Variants in FOCAD observed in about 807,000 individuals in gnomAD.
FOCAD encodes focadhesin, also known as KIAA1797.
A neutral mutation model predicts 225.6 loss-of-function variants in FOCAD; 198 were observed. The ratio of observed to expected loss-of-function variants is 0.88; its 90% confidence interval spans 0.78 to 0.99. The LOEUF is 0.99. FOCAD is among the 50% of genes least tolerant of loss of function. FOCAD has a pLI of 0.00. For synonymous variants in FOCAD, 897 were observed against 755.0 expected, an observed-to-expected ratio of 1.19 and a Z score of -3.08; for missense variants, 2,713 against 2,123.6, an observed-to-expected ratio of 1.28 and a Z score of -5.46.
chr9:20,819,758 A>G (rs746339690), intron 11 of FOCAD, 38 bp from the exon 12 acceptor site: 28 of 1,146,414 alleles, frequency 2.4e-5, no homozygotes, highest in Admixed American at 5.0e-5. Context: ...CTTTTTTGTA[A>G]CAAGGCATAT....
chr9:20,714,655 C>A (rs1825174573), intron 1 of FOCAD, among the ~76,000 whole-genome samples: 1 of 143,168 alleles, frequency 7.0e-6, no homozygotes, highest in African/African-American at 2.8e-5. Context: ...TTCCTTCCTT[C>A]CTTCCTTCCT....
At chr9:20,923,792 T>G in intron 25 of FOCAD, 24 bp downstream of exon 25, 2 of 1,559,544 alleles carry the variant, frequency 1.3e-6, no homozygotes, top group Non-Finnish European at 1.8e-6. Flanking sequence ...ATTTAAACAA[T>G]TGGCTTTGAT....
At position 20,791,237 on chromosome 9, in the gene FOCAD, T is replaced by TCACACACACACACACA. The variant is rs10652100; in HGVS notation, c.1455+1640_1455+1655dup. On this transcript the variant is annotated intron_variant, in intron 11 of 43. Coordinates refer to ENST00000338382, the MANE Select transcript of FOCAD (RefSeq NM_001375567.1). ...TATGCATGCACACACACACACACAC[T>TCACACACACACACACA]CACACACACACACACACACACACAC... 1.9e-3 allele frequency among the ~76,000 whole-genome samples: 281 copies of TCACACACACACACACA among 148,592 alleles called. 2 individuals are homozygous for TCACACACACACACACA. The highest frequency in any genetic ancestry group is 3.4e-3 in the Middle Eastern group (1 of 292).
chr9:20,866,447 G>A (rs1280300038), intron 17 of FOCAD, among the ~76,000 whole-genome samples: 1 of 151,962 alleles, frequency 6.6e-6, no homozygotes, highest in African/African-American at 2.4e-5. Flanking sequence ...TGGAGAATCG[G>A]AATCCAAACC....
At chr9:20,904,556 C>T (rs1330742532) in intron 21 of FOCAD, among the ~76,000 whole-genome samples, 1 of 151,958 alleles carries the variant, frequency 6.6e-6, no homozygotes, top group Non-Finnish European at 1.5e-5. Context: ...CTTCTTTGGG[C>T]ACATGTGTAG....
At chr9:20,884,810 C>G (rs1302250164) in intron 20 of FOCAD, among the ~76,000 whole-genome samples, 2 of 151,654 alleles carry the variant, frequency 1.3e-5, no homozygotes, top group Admixed American at 6.6e-5. Context: ...ACCTGTAATC[C>G]CAGCGCTTTG....
chr9:20,767,063 G>C (rs1186216226), intron 7 of FOCAD, among the ~76,000 whole-genome samples: 20 of 151,492 alleles, frequency 1.3e-4, no homozygotes, highest in Non-Finnish European at 2.8e-4. Flanking sequence ...CTATGAGTGA[G>C]AATATGTGGT....
chr9:20,954,931 A>G (rs930921068), intron 35 of FOCAD, among the ~76,000 whole-genome samples: 4 of 152,188 alleles, frequency 2.6e-5, no homozygotes, highest in African/African-American at 7.2e-5. Flanking sequence ...TGTGGGGCTA[A>G]ATGGGATGGC....
At position 20,717,785 on chromosome 9, in the gene FOCAD, C is replaced by G. The variant is rs1036945208; in HGVS notation, c.58-9C>G. On this transcript the variant is annotated splice_polypyrimidine_tract_variant and intron_variant, in intron 2 of 43. Transcript: ENST00000338382. ...GGGACTGTGTTCATTAATTTTATTT[C>G]TTTTTAAGGCTGTGGGTCATCTTAT... 6.2e-7 allele frequency: 1 copy of G among 1,606,764 alleles called. No homozygotes were observed. The highest frequency in any genetic ancestry group is 8.5e-7 in the Non-Finnish European group (1 of 1,176,186).
At chr9:20,911,928 A>T (rs1352584623) in intron 22 of FOCAD, among the ~76,000 whole-genome samples, 1 of 152,184 alleles carries the variant, frequency 6.6e-6, no homozygotes, top group East Asian at 1.9e-4. Context: ...TTAAGAAGAT[A>T]TGAAAAGATC....
chr9:20,675,005 A>G (rs1822191097), intron 2 of FOCAD, among the ~76,000 whole-genome samples: 1 of 152,226 alleles, frequency 6.6e-6, no homozygotes, highest in Non-Finnish European at 1.5e-5. Flanking sequence ...CTTCTGTGGT[A>G]CATATTCTGC....
At chr9:20,938,703 C>G (rs560592210) in intron 28 of FOCAD, among the ~76,000 whole-genome samples, 1 of 151,884 alleles carries the variant, frequency 6.6e-6, no homozygotes, top group East Asian at 1.9e-4. Flanking sequence ...ACATTGTGCA[C>G]ATGTACCCTA....
chr9:20,792,177 G>C (rs768128572), intron 11 of FOCAD, among the ~76,000 whole-genome samples: 1 of 152,272 alleles, frequency 6.6e-6, no homozygotes, highest in East Asian at 1.9e-4. Flanking sequence ...CTGAGAAAAT[G>C]TGTTTTCCTC....
Position 20,786,716 on chromosome 9 carries a change from T to C in FOCAD, c.1198-2635T>C, listed in dbSNP as rs540085634. Among the ~76,000 whole-genome samples the C allele has an allele frequency of 2.0e-5, 3 of 152,350 alleles. No individual in the cohort carries two copies. The South Asian group carries it at 6.2e-4, about 32-fold the overall frequency. On this transcript the variant is annotated intron_variant, in intron 10 of 43. Transcript: ENST00000338382. ...GAAGTACTATCAGATGTTTATCTTA[T>C]TGTTACTACTTAATGTGTCTGCACA... is the stretch of plus-strand genomic sequence containing the variant.
chr9:20,874,585 A>C, intron 18 of FOCAD, 96 bp from the exon 19 acceptor site: 1 of 1,394,778 alleles, frequency 7.2e-7, no homozygotes, highest in South Asian at 1.4e-5. Flanking sequence ...GAGTCTAACA[A>C]AATTTTAAAA....
chr9:20,740,257 A>G lies in FOCAD; in HGVS notation c.309A>G (p.Lys103=). ...GCAGAAATACACATGGCTTGATAAA[A>G]GCCATTATGCACTTACTACAAATGC... ...PSTRNTHGLI[K]AIMHLLQMQA... The change falls in exon 5 of 44, where the codon AAA becomes AAG. Residue 103 remains lysine (K), a synonymous_variant. Transcript: ENST00000338382. 1 of 1,608,186 alleles carries G rather than the reference A, an allele frequency of 6.2e-7. No homozygotes were observed. The highest frequency in any genetic ancestry group is 8.5e-7 in the Non-Finnish European group (1 of 1,177,146).
upstream of FOCAD, chr9:20,683,573 T>C (rs1822474090): frequency 6.6e-6 from 1 of 152,166 alleles, no homozygotes; most frequent in African/African-American, 2.4e-5. Flanking sequence ...TACATGTTTA[T>C]CATTCAGTAA....
chr9:20,934,421 T>C (rs1835764344), intron 28 of FOCAD, among the ~76,000 whole-genome samples: 1 of 151,772 alleles, frequency 6.6e-6, no homozygotes, highest in African/African-American at 2.4e-5. Flanking sequence ...ACAGTTTTAT[T>C]CTCTTACATG....
chr9:20,783,563 C>A (rs1819617488), intron 10 of FOCAD, among the ~76,000 whole-genome samples: 1 of 150,566 alleles, frequency 6.6e-6, no homozygotes. Flanking sequence ...CTCCCTGAGT[C>A]AAGATTATTT....
Sources: allele counts gnomAD v4.1 joint callset (sites outside exome capture counted in the v4.1 genomes callset), GRCh38; gene constraint gnomAD v4.1.1; transcripts MANE v1.5; gene names NCBI Gene and HGNC (gene_info 2026-07-23, HGNC 2026-07-21).